DAGLB: variants seen among roughly 807,000 people sequenced by gnomAD.
The protein encoded by DAGLB is diacylglycerol lipase-beta.
Under a neutral mutation model 72.1 loss-of-function variants are expected in DAGLB, and 66 were observed. That is an observed-to-expected ratio of 0.92 (90% CI 0.75 to 1.12). The LOEUF (loss-of-function observed/expected upper bound fraction) is 1.12. DAGLB is among the 50% of genes most tolerant of loss of function. The pLI, the probability that DAGLB is intolerant of heterozygous loss-of-function variation, is 0.00. For missense variants in DAGLB, 1,065 were observed against 884.9 expected, an observed-to-expected ratio of 1.20 and a Z score of -2.58; for synonymous variants, 414 against 359.5, an observed-to-expected ratio of 1.15 and a Z score of -1.71.
chr7:6,412,987 A>G lies in DAGLB; in HGVS notation c.1475T>C (p.Leu492Pro). ...TTACCTGGGAATCACATCCTTCCCC[A>G]GGACGAGTGACACGATGAAGCTCTG... ...YSQSFIVSLV[L>P]GKDVIPRLSV... Residue 492 changes from leucine to proline, a missense_variant, in exon 12 of 15, where the codon CTG becomes CCG. Leu to Pro is a moderately conservative substitution (Grantham distance 98). Transcript: ENST00000297056. 1 of 1,614,006 alleles carries G rather than the reference A, an allele frequency of 6.2e-7. No individual in the cohort carries two copies. The highest frequency in any genetic ancestry group is 8.5e-7 in the Non-Finnish European group (1 of 1,179,948).
chr7:6,447,449 G>C (rs1785045317), intron 1 of DAGLB, among the ~76,000 whole-genome samples: 1 of 152,242 alleles, frequency 6.6e-6, no homozygotes, highest in Admixed American at 6.5e-5. Flanking sequence ...CCCAGGGCCA[G>C]GTCTCGGCGC....
chr7:6,429,043 A>T (rs1784399036), intron 6 of DAGLB, among the ~76,000 whole-genome samples: 1 of 152,034 alleles, frequency 6.6e-6, no homozygotes, highest in South Asian at 2.1e-4. Context: ...AGCTCAAGTG[A>T]TCCGCTGGCC....
chr7:6,424,713 A>G (rs1283458961), intron 8 of DAGLB, 39 bp downstream of exon 8: 1 of 1,603,514 alleles, frequency 6.2e-7, no homozygotes. Flanking sequence ...CCGCTCCCGC[A>G]CCCACTCCCA....
At position 6,434,926 on chromosome 7, in the gene DAGLB, G is replaced by T. The variant is rs1335078474; in HGVS notation, c.514C>A (p.His172Asn). The T allele has an allele frequency of 6.2e-7, 1 of 1,614,196 alleles. No homozygotes were observed. The highest frequency in any genetic ancestry group is 8.5e-7 in the Non-Finnish European group (1 of 1,180,050). Reference protein sequence around the residue: ...MAPYSSAGPSHLDSHDSSQLL... With the variant: ...MAPYSSAGPSNLDSHDSSQLL... ...TGGCTTGAATCATGACTATCCAGGT[G>T]GCTGGGGCCGGCAGAGGAATATGGA... is the stretch of plus-strand genomic sequence containing the variant. Residue 172 changes from histidine (H) to asparagine (N), a missense_variant, in exon 4 of 15, where the codon CAC (histidine) becomes AAC (asparagine). Transcript: ENST00000297056.
At chr7:6,411,005 C>CA (rs1277057717) in intron 13 of DAGLB, among the ~76,000 whole-genome samples, 2 of 151,892 alleles carry the variant, frequency 1.3e-5, no homozygotes, top group African/African-American at 2.4e-5. Context: ...CTGCCTCAGC[C>CA]ACCAGAGTAG....
intron 8 of DAGLB, among the ~76,000 whole-genome samples, chr7:6,423,427 C>T (rs1223189833): frequency 2.7e-5 from 4 of 145,798 alleles, no homozygotes; most frequent in East Asian, 1.9e-4. Context: ...CCACAGACGA[C>T]GCCACTGCTT....
chr7:6,439,126 G>A (rs1468014097), intron 2 of DAGLB, among the ~76,000 whole-genome samples: 1 of 151,956 alleles, frequency 6.6e-6, no homozygotes, highest in Admixed American at 6.6e-5. Flanking sequence ...ATGGTGGTGT[G>A]CTCATGTAGT....
chr7:6,409,985 G>T lies in DAGLB; in HGVS notation c.1871C>A (p.Ala624Glu), dbSNP rs201856301. Residue 624 changes from alanine to glutamate, a missense_variant, in exon 15 of 15, where the codon GCG (alanine) becomes GAG (glutamate). Physicochemically the swap from Ala to Glu is moderately radical, Grantham distance 107 (BLOSUM62 -1). Transcript: ENST00000297056. ...ACCTATGAGTATTTTGCTGAATTCC[G>T]CTTCGTGTGACCACTTGGCGCTATA... ...AHYSAKWSHE[A>E]EFSKILIGPK... is the part of the protein sequence containing the mutation. 6.2e-7 allele frequency: 1 copy of T among 1,614,020 alleles called. No individual in the cohort carries two copies. The highest frequency in any genetic ancestry group is 8.5e-7 in the Non-Finnish European group (1 of 1,180,044).
At position 6,424,802 on chromosome 7, in the gene DAGLB, G is replaced by A. The variant is rs758004714; in HGVS notation, c.1090C>T (p.His364Tyr). The A allele has an allele frequency of 6.2e-7, 1 of 1,613,896 alleles. No homozygotes were observed. The highest frequency in any genetic ancestry group is 1.1e-5 in the South Asian group (1 of 91,076). ...GCGACCACAACAGACTCTTTCCTGT[G>A]ATCCAGAGCCACTAAAAACGGCAGC... The part of the protein sequence containing the change: ...YELPFLVALD[H>Y]RKESVVVAVR... The change falls in exon 8 of 15, where the codon CAC becomes TAC. Residue 364 changes from histidine to tyrosine, a missense_variant. Physicochemically the swap from His to Tyr is moderately conservative, Grantham distance 83. Coordinates refer to ENST00000297056, the MANE Select transcript of DAGLB (RefSeq NM_139179.4).
intron 7 of DAGLB, 33 bp downstream of exon 7, chr7:6,425,955 G>A (rs758374253): frequency 1.7e-5 from 28 of 1,611,114 alleles, no homozygotes; most frequent in Non-Finnish European, 2.4e-5. Flanking sequence ...GGACCCAAAA[G>A]AAGTGAAGAG....
intron 11 of DAGLB, among the ~76,000 whole-genome samples, chr7:6,415,714 G>A (rs971537545): frequency 2.6e-4 from 39 of 151,642 alleles, no homozygotes; most frequent in African/African-American, 5.1e-4. Flanking sequence ...GTGTGGTGGC[G>A]GGCGCCTGTA....
At chr7:6,413,101 A>G in intron 11 of DAGLB, 67 bp from the exon 12 acceptor site, 2 of 1,534,288 alleles carry the variant, frequency 1.3e-6, no homozygotes, top group South Asian at 1.2e-5. Context: ...CTTCCATGAA[A>G]GAAATCAGTA....
chr7:6,431,009 CA>C (rs983488890), intron 5 of DAGLB, among the ~76,000 whole-genome samples: 2 of 152,246 alleles, frequency 1.3e-5, no homozygotes, highest in African/African-American at 4.8e-5. Context: ...CTCCCGACCT[CA>C]GGTGATCAAC....
chr7:6,412,255 C>T (rs912064780), intron 13 of DAGLB, among the ~76,000 whole-genome samples: 2 of 152,130 alleles, frequency 1.3e-5, no homozygotes, highest in African/African-American at 2.4e-5. Context: ...AAACCCTTGA[C>T]GTGGACATAT....
intron 11 of DAGLB, chr7:6,416,311 A>G: frequency 4.7e-6 from 1 of 214,598 alleles, no homozygotes; most frequent in Non-Finnish European, 9.2e-6. Flanking sequence ...TGGGAGGCCG[A>G]GGCGGGCAGA....
chr7:6,436,865 G>T (rs893143657), intron 2 of DAGLB, among the ~76,000 whole-genome samples: 3 of 151,972 alleles, frequency 2.0e-5, no homozygotes, highest in African/African-American at 7.3e-5. Flanking sequence ...ATTATGCTGG[G>T]GCCGGGCACG....
intron 4 of DAGLB, among the ~76,000 whole-genome samples, chr7:6,434,212 T>C (rs1344404039): frequency 4.0e-5 from 6 of 148,760 alleles, no homozygotes; most frequent in African/African-American, 1.5e-4. Flanking sequence ...GAGAATGTCA[T>C]ATAAAAAGAT....
intron 7 of DAGLB, 136 bp from the exon 8 acceptor site, chr7:6,424,971 C>T (rs943985246): frequency 5.1e-6 from 4 of 777,194 alleles, no homozygotes. Context: ...CCTCTCCACT[C>T]ACGCTCACTA....
At chr7:6,413,807 A>G (rs767931128) in intron 11 of DAGLB, among the ~76,000 whole-genome samples, 10 of 152,190 alleles carry the variant, frequency 6.6e-5, no homozygotes, top group Middle Eastern at 3.2e-3. Flanking sequence ...CAGCTGGGAG[A>G]AGGAGGAGGA....
Sources: gnomAD v4.1 joint callset for allele counts (sites outside exome capture counted in the v4.1 genomes callset) on GRCh38, gnomAD v4.1.1 for gene constraint, MANE v1.5 for transcripts, NCBI Gene and HGNC (gene_info 2026-07-23, HGNC 2026-07-21) for gene names.